The following VWA8 variants were observed in gnomAD, a reference collection of about 807,000 sequenced individuals.
VWA8 encodes von Willebrand factor A domain containing 8, also known as von Willebrand factor A domain-containing protein 8.
VWA8 carries 221 observed loss-of-function variants against 241.5 expected under a neutral mutation model. The observed-to-expected ratio is 0.91, with a 90% CI of 0.82 to 1.02. The LOEUF is 1.02. VWA8 is among the 50% of genes least tolerant of loss of function. The probability of loss-of-function intolerance (pLI) is 0.00; values close to 1 mark genes in which losing one functional copy is unlikely to be tolerated. For synonymous variants in VWA8, 852 were observed against 827.1 expected (o/e 1.03, Z -0.52); for missense variants, 2,322 against 2,328.7 (o/e 1.00, Z 0.06).
At chr13:41,932,950 A>C (rs1346955726) in intron 2 of VWA8, among the ~76,000 whole-genome samples, 1 of 152,034 alleles carries the variant, frequency 6.6e-6, no homozygotes, top group Non-Finnish European at 1.5e-5. Context: ...TTAATGTTTT[A>C]TATAATAAAT....
At chr13:41,955,846 C>T (rs1303408246) in intron 1 of VWA8, 1 of 152,142 alleles carries the variant, frequency 6.6e-6, no homozygotes, top group African/African-American at 2.4e-5. Flanking sequence ...CTTGGGTCAA[C>T]CACAGGCTGC....
chr13:41,763,224 G>A (rs1377241757), intron 20 of VWA8, among the ~76,000 whole-genome samples: 1 of 151,994 alleles, frequency 6.6e-6, no homozygotes, highest in African/African-American at 2.4e-5. Flanking sequence ...AGGAATTTGA[G>A]GCTGCAGTGA....
intron 21 of VWA8, among the ~76,000 whole-genome samples, chr13:41,746,238 A>C (rs960713649): frequency 6.6e-6 from 1 of 152,216 alleles, no homozygotes; most frequent in Non-Finnish European, 1.5e-5. Flanking sequence ...ACTTGAAAGG[A>C]ATGTAGCTGT....
At chr13:41,780,648 C>T (rs1868848747) in intron 19 of VWA8, among the ~76,000 whole-genome samples, 1 of 152,174 alleles carries the variant, frequency 6.6e-6, no homozygotes, top group Non-Finnish European at 1.5e-5. Flanking sequence ...GCTTCTCTAA[C>T]TTCAGTCTCT....
intron 9 of VWA8, among the ~76,000 whole-genome samples, chr13:41,870,039 T>G (rs192010163): frequency 2.1e-4 from 32 of 152,186 alleles, no homozygotes; most frequent in African/African-American, 7.2e-4. Flanking sequence ...CATTCTAAAC[T>G]TAACATCCCA....
At chr13:41,733,369 T>A (rs1458189315) in intron 21 of VWA8, among the ~76,000 whole-genome samples, 1 of 152,200 alleles carries the variant, frequency 6.6e-6, no homozygotes, top group Non-Finnish European at 1.5e-5. Context: ...TGGAGTCATA[T>A]CAATCAGGAT....
intron 37 of VWA8, among the ~76,000 whole-genome samples, chr13:41,618,394 A>G (rs1033011361): frequency 5.9e-5 from 9 of 152,134 alleles, no homozygotes; most frequent in Non-Finnish European, 1.2e-4. Flanking sequence ...AGATGGGTAG[A>G]TTGTAAAAAT....
chr13:41,820,946 G>A (rs1002369698), intron 14 of VWA8, among the ~76,000 whole-genome samples: 2 of 152,220 alleles, frequency 1.3e-5, no homozygotes, highest in Non-Finnish European at 2.9e-5. Flanking sequence ...AGGAGAGAAA[G>A]AGCCTGGTTT....
chr13:41,805,515 G>A (rs575486090), intron 17 of VWA8, among the ~76,000 whole-genome samples: 20 of 152,160 alleles, frequency 1.3e-4, no homozygotes, highest in South Asian at 1.0e-3. Flanking sequence ...GAAAATCAAC[G>A]AAGAAATATT....
rs988706607 is a variant in VWA8 at position 41,865,778 on chromosome 13, G to T, written c.1383C>A (p.Ala461=). The part of the protein sequence containing the change: ...CGKTVIAKNF[A]DTLGYNIEPI... ...GTTCTATGTTGTATCCTAAGGTATC[G>T]GCAAAGTTCTTAGCGATCACTGTTT... The change falls in exon 12 of 45, where the codon GCC becomes GCA. Residue 461 remains alanine, a synonymous_variant. Coordinates refer to ENST00000379310, the MANE Select transcript of VWA8 (RefSeq NM_015058.2). 6.2e-7 allele frequency: 1 copy of T among 1,614,014 alleles called. No individual in the cohort carries two copies. Among genetic ancestry groups the T allele is most frequent in the South Asian group, 1.1e-5 (1 of 91,050 alleles).
chr13:41,919,301 C>A (rs1245168690), intron 2 of VWA8, among the ~76,000 whole-genome samples: 1 of 152,192 alleles, frequency 6.6e-6, no homozygotes, highest in Admixed American at 6.5e-5. Flanking sequence ...CAGCTCGCAT[C>A]ACTACTATGG....
chr13:41,833,641 C>T, intron 12 of VWA8, 110 bp from the exon 13 acceptor site: 1 of 1,211,670 alleles, frequency 8.3e-7, no homozygotes, highest in Non-Finnish European at 1.1e-6. Flanking sequence ...CTTAACATTC[C>T]ATATAGTAAC....
intron 20 of VWA8, among the ~76,000 whole-genome samples, chr13:41,765,606 G>A (rs1299065640): frequency 1.3e-5 from 2 of 152,070 alleles, no homozygotes; most frequent in African/African-American, 4.8e-5. Context: ...TATAAATAGT[G>A]TCTTATTTTT....
At chr13:41,777,207 C>T (rs1486659617) in intron 20 of VWA8, among the ~76,000 whole-genome samples, 3 of 152,034 alleles carry the variant, frequency 2.0e-5, no homozygotes, top group Non-Finnish European at 4.4e-5. Context: ...TCTCAAGGGA[C>T]ATATAGACAA....
At chr13:41,637,107 C>T (rs1042320143) in intron 37 of VWA8, among the ~76,000 whole-genome samples, 5 of 151,150 alleles carry the variant, frequency 3.3e-5, no homozygotes, top group African/African-American at 1.2e-4. Context: ...TATAAAGACA[C>T]ATGCACAGGT....
chr13:41,603,127 T>C (rs1336299499), intron 40 of VWA8, among the ~76,000 whole-genome samples: 1 of 152,134 alleles, frequency 6.6e-6, no homozygotes, highest in African/African-American at 2.4e-5. Context: ...TAAGGATTTT[T>C]AAAAAATGGG....
chr13:41,925,927 A>G, intron 2 of VWA8: 1 of 378,934 alleles, frequency 2.6e-6, no homozygotes, highest in Non-Finnish European at 5.2e-6. Context: ...TTCATCCAAG[A>G]ATATAGTCAC....
intron 12 of VWA8, among the ~76,000 whole-genome samples, chr13:41,834,185 G>C (rs1370607583): frequency 6.6e-6 from 1 of 152,184 alleles, no homozygotes; most frequent in African/African-American, 2.4e-5. Context: ...CAATAAAATA[G>C]TGTAACAGAC....
At chr13:41,727,156 A>G in intron 24 of VWA8, 38 bp downstream of exon 24, 1 of 1,441,696 alleles carries the variant, frequency 6.9e-7, no homozygotes, top group Non-Finnish European at 9.4e-7. Context: ...TATTATTATT[A>G]CTGCTATTGG....
Sources: gnomAD v4.1 joint callset for allele counts (sites outside exome capture counted in the v4.1 genomes callset) on GRCh38, gnomAD v4.1.1 for gene constraint, MANE v1.5 for transcripts, NCBI Gene and HGNC (gene_info 2026-07-23, HGNC 2026-07-21) for gene names.